Variants in CTNNA3 observed in about 807,000 individuals in gnomAD.
CTNNA3 encodes catenin alpha 3, also known as catenin alpha-3.
In CTNNA3, 76 loss-of-function variants were observed where a neutral mutation model predicts 95.7. That is an observed-to-expected ratio of 0.79 (90% confidence interval 0.66 to 0.96). The LOEUF (loss-of-function observed/expected upper bound fraction) is 0.96. Among genes scored for constraint, CTNNA3 ranks in the 40% least tolerant of loss-of-function variants. The pLI, the probability that CTNNA3 is intolerant of heterozygous loss-of-function variation, is 0.00. For missense variants in CTNNA3, 1,191 were observed against 1,089.8 expected (o/e 1.09, Z -1.31); for synonymous variants, 431 against 374.4 (o/e 1.15, Z -1.74).
chr10:66,066,991 G>A (rs10996875), intron 15 of CTNNA3, among the ~76,000 whole-genome samples: 35,547 of 148,502 alleles, frequency 0.24, 4,203 homozygotes, highest in Admixed American at 0.26. Context: ...TCCTGTTGGG[G>A]CTCAGAAAAA....
intron 5 of CTNNA3, among the ~76,000 whole-genome samples, chr10:67,441,731 A>C (rs899320478): frequency 5.3e-5 from 8 of 152,156 alleles, no homozygotes; most frequent in Non-Finnish European, 8.8e-5. Context: ...TCAAGCATGA[A>C]GGAGAAATAC....
intron 13 of CTNNA3, among the ~76,000 whole-genome samples, chr10:66,265,172 T>C (rs2091117399): frequency 1.3e-5 from 2 of 151,986 alleles, no homozygotes; most frequent in Admixed American, 1.3e-4. Flanking sequence ...GTTATCCACA[T>C]ATTGGCCAAC....
intron 7 of CTNNA3, among the ~76,000 whole-genome samples, chr10:67,017,527 C>T (rs755321954): frequency 2.0e-5 from 3 of 152,148 alleles, no homozygotes. Flanking sequence ...AACCACAATC[C>T]ATCCTCTATG....
chr10:66,409,431 A>G (rs906802755), intron 11 of CTNNA3, among the ~76,000 whole-genome samples: 4 of 152,090 alleles, frequency 2.6e-5, no homozygotes, highest in Admixed American at 1.3e-4. Flanking sequence ...TTTAAGAAGG[A>G]TAGAGATGAA....
intron 4 of CTNNA3, among the ~76,000 whole-genome samples, chr10:67,522,635 A>C (rs1189200827): frequency 2.6e-5 from 4 of 151,784 alleles, no homozygotes; most frequent in Admixed American, 2.6e-4. Context: ...AGTTCTGATC[A>C]GTTCTGCTGA....
chr10:67,648,598 T>C, intron 1 of CTNNA3: 1 of 677,538 alleles, frequency 1.5e-6, no homozygotes, highest in Non-Finnish European at 2.1e-6. Flanking sequence ...AGATTTTGCC[T>C]TGAAAAAATA....
At chr10:66,788,976 AT>A (rs1293182803) in intron 7 of CTNNA3, among the ~76,000 whole-genome samples, 1 of 152,156 alleles carries the variant, frequency 6.6e-6, no homozygotes, top group Non-Finnish European at 1.5e-5. Context: ...TACTTGATGG[AT>A]TTTTTAAGGC....
At chr10:67,047,586 T>A (rs1854833698) in intron 7 of CTNNA3, among the ~76,000 whole-genome samples, 1 of 152,268 alleles carries the variant, frequency 6.6e-6, no homozygotes, top group African/African-American at 2.4e-5. Context: ...TTTACCTTCA[T>A]CGTTTCAGGC....
chr10:67,763,568 C>T (rs7072202), exon 1 of CTNNA3, among the ~76,000 whole-genome samples: 18,850 of 152,198 alleles, frequency 0.12, 1,755 homozygotes, highest in African/African-American at 0.26. Context: ...AGTAAAAGGC[C>T]TTCTGTTACT....
intron 15 of CTNNA3, among the ~76,000 whole-genome samples, chr10:65,990,627 T>G (rs1476873655): frequency 6.6e-6 from 1 of 151,458 alleles, no homozygotes; most frequent in Non-Finnish European, 1.5e-5. Flanking sequence ...CTCTGAACTT[T>G]AGGCCCTTAT....
intron 15 of CTNNA3, among the ~76,000 whole-genome samples, chr10:66,017,894 C>T (rs903867504): frequency 1.3e-5 from 2 of 152,012 alleles, no homozygotes; most frequent in Non-Finnish European, 2.9e-5. Flanking sequence ...CACAGAGATA[C>T]ACATGATTTG....
At chr10:66,515,305 A>ATCTATCTATG (rs1554809583) in intron 11 of CTNNA3, among the ~76,000 whole-genome samples, 1 of 69,986 alleles carries the variant, frequency 1.4e-5, no homozygotes, top group South Asian at 3.3e-4. Flanking sequence ...ATCTATCTAT[A>ATCTATCTATG]TGGAAAATAG....
At chr10:65,948,343 C>A (rs922178319) in intron 17 of CTNNA3, among the ~76,000 whole-genome samples, 3 of 151,614 alleles carry the variant, frequency 2.0e-5, no homozygotes, top group African/African-American at 4.8e-5. Flanking sequence ...CACACCCCCC[C>A]CAACATAGTA....
intron 5 of CTNNA3, among the ~76,000 whole-genome samples, chr10:67,372,509 C>CT (rs1843514033): frequency 3.9e-5 from 6 of 152,120 alleles, no homozygotes; most frequent in Admixed American, 3.9e-4. Context: ...ATTGGTGTAC[C>CT]TGAAAGTGAT....
At chr10:67,703,025 G>C (rs569959461) in intron 1 of CTNNA3, among the ~76,000 whole-genome samples, 3 of 152,176 alleles carry the variant, frequency 2.0e-5, no homozygotes, top group African/African-American at 7.2e-5. Context: ...AGAAAATCTA[G>C]AAGAAACGGA....
At chr10:66,241,842 T>C (rs1244072737) in intron 13 of CTNNA3, among the ~76,000 whole-genome samples, 1 of 147,576 alleles carries the variant, frequency 6.8e-6, no homozygotes, top group African/African-American at 2.5e-5. Context: ...TCCAAATACA[T>C]GGGAATACTA....
chr10:67,431,465 C>A (rs4323777), intron 5 of CTNNA3, among the ~76,000 whole-genome samples: 105,363 of 151,834 alleles, frequency 0.69, 41,250 homozygotes, highest in Non-Finnish European at 0.88. Context: ...CCTATGTTAT[C>A]CTAATTTTAC....
At chr10:66,921,712 C>T (rs765716487) in intron 7 of CTNNA3, among the ~76,000 whole-genome samples, 1 of 152,112 alleles carries the variant, frequency 6.6e-6, no homozygotes, top group Non-Finnish European at 1.5e-5. Flanking sequence ...CACCTCATAC[C>T]TTGCACTCCC....
At chr10:66,347,060 C>T (rs1046410305) in intron 12 of CTNNA3, among the ~76,000 whole-genome samples, 2 of 151,792 alleles carry the variant, frequency 1.3e-5, no homozygotes, top group African/African-American at 4.8e-5. Context: ...CTAGAGTGAT[C>T]TAATATAGTA....
Sources: allele counts gnomAD v4.1 joint callset (sites outside exome capture counted in the v4.1 genomes callset), GRCh38; gene constraint gnomAD v4.1.1; transcripts MANE v1.5; gene names NCBI Gene and HGNC (gene_info 2026-07-23, HGNC 2026-07-21).